The following KIF3A variants were observed in gnomAD, a reference collection of about 807,000 sequenced individuals.
KIF3A encodes kinesin family member 3A.
A neutral mutation model predicts 92.6 loss-of-function variants in KIF3A; 27 were observed. That is an observed-to-expected ratio of 0.29 (90% CI 0.21 to 0.40). The LOEUF (loss-of-function observed/expected upper bound fraction) is 0.40. Among genes scored for constraint, KIF3A ranks in the 10% least tolerant of loss-of-function variants. The probability of loss-of-function intolerance (pLI) is 1.00; values close to 1 mark genes in which losing one functional copy is unlikely to be tolerated. For synonymous variants in KIF3A, 250 were observed against 275.4 expected (o/e 0.91, Z 0.92); for missense variants, 581 against 872.6 (o/e 0.67, Z 4.21).
In KIF3A at chr5:132,696,584, C is replaced by T; in HGVS notation, c.*50G>A. ...CACTGTTTTAATTAAAGATTTTGTC[C>T]AGGCATGAGAATATCACTAATTTTT... On this transcript the variant is annotated 3_prime_UTR_variant, in exon 19 of 19. Transcript: ENST00000403231. 9.0e-7 allele frequency: 1 copy of T among 1,106,344 alleles called. No homozygotes were observed. The highest frequency in any genetic ancestry group is 1.4e-5 in the South Asian group (1 of 71,130). The allele number at this position is 1,106,344 out of a possible 1,614,324, so 68.5% of individuals were successfully genotyped here.
intron 11 of KIF3A, 82 bp downstream of exon 11, chr5:132,706,369 A>T: frequency 1.0e-6 from 1 of 1,002,828 alleles, no homozygotes. Flanking sequence ...ACTAAATTTT[A>T]AAAATTTAAT....
chr5:132,717,050 C>T (rs973259592), intron 5 of KIF3A, 66 bp from the exon 6 acceptor site: 13 of 1,490,630 alleles, frequency 8.7e-6, no homozygotes, highest in Non-Finnish European at 1.1e-5. Flanking sequence ...AATTAAACAT[C>T]CTGAACAGTT....
At chr5:132,725,047 T>C (rs1753991622) in intron 4 of KIF3A, among the ~76,000 whole-genome samples, 1 of 150,944 alleles carries the variant, frequency 6.6e-6, no homozygotes, top group Admixed American at 6.6e-5. Context: ...TTGAGAACCA[T>C]TGACAAGAAT....
chr5:132,736,575 T>C (rs895109061), intron 1 of KIF3A, among the ~76,000 whole-genome samples: 2 of 152,230 alleles, frequency 1.3e-5, no homozygotes, highest in East Asian at 3.8e-4. Flanking sequence ...TGGTGCCCAA[T>C]ATTTACTGAA....
chr5:132,727,041 A>G (rs1754056950), intron 2 of KIF3A, among the ~76,000 whole-genome samples: 1 of 152,260 alleles, frequency 6.6e-6, no homozygotes, highest in Admixed American at 6.5e-5. Context: ...CACCTCATAG[A>G]AAGTATCAGT....
chr5:132,702,434 A>C lies in KIF3A; in HGVS notation c.1758+124T>G, dbSNP rs1753071538. On this transcript the variant is annotated intron_variant, in intron 14 of 18. Coordinates refer to ENST00000403231, the MANE Select transcript of KIF3A (RefSeq NM_001300791.2). ...TAGATAAAATTAAAAATTGCACATA[A>C]AGAAATATTTTATTTCTTTTAAATT... The C allele has an allele frequency of 1.5e-5, 10 of 683,386 alleles. No individual in the cohort carries two copies. The South Asian group carries it at 2.5e-4, about 17-fold the overall frequency. The allele number at this position is 683,386 out of a possible 1,614,324, so 42.3% of individuals were successfully genotyped here. A position where few individuals can be genotyped will look rare whatever the true frequency, so the allele number is the denominator to read the frequency against.
intron 11 of KIF3A, among the ~76,000 whole-genome samples, chr5:132,704,377 G>A (rs12186803): frequency 0.27 from 40,253 of 151,552 alleles, 6,979 homozygotes; most frequent in East Asian, 0.75. Flanking sequence ...CCCTAAGTCA[G>A]AGTAAACATG....
intron 9 of KIF3A, among the ~76,000 whole-genome samples, 156 bp downstream of exon 9, chr5:132,710,803 G>GA (rs1190889699): frequency 2.0e-5 from 3 of 152,264 alleles, no homozygotes; most frequent in Admixed American, 1.3e-4. Flanking sequence ...CAATACAGGA[G>GA]AAAAAATGCA....
intron 4 of KIF3A, chr5:132,721,351 T>G (rs900748596): frequency 1.3e-5 from 2 of 152,208 alleles, no homozygotes; most frequent in African/African-American, 4.8e-5. Context: ...AAAAATGTAT[T>G]TAGGATGGAT....
chr5:132,720,255 AGT>A (rs1753781695), intron 5 of KIF3A, among the ~76,000 whole-genome samples: 1 of 152,248 alleles, frequency 6.6e-6, no homozygotes, highest in South Asian at 2.1e-4. Flanking sequence ...ATGTCTTCAT[AGT>A]CTCCTGTGAG....
rs1382714521 is a variant in KIF3A at position 132,693,145 on chromosome 5, T to A, written c.*3489A>T. On this transcript the variant is annotated 3_prime_UTR_variant, in exon 19 of 19. Coordinates refer to ENST00000403231, the MANE Select transcript of KIF3A (RefSeq NM_001300791.2). Reference sequence around the variant, plus strand: ...GAAGTAGCACCACCCCCTCCCCCAATAAAACCTTAAATTTTTGCTGTAAAA... The same window carrying A: ...GAAGTAGCACCACCCCCTCCCCCAAAAAAACCTTAAATTTTTGCTGTAAAA... The A allele has an allele frequency of 1.4e-5, 2 of 145,340 alleles. No individual in the cohort carries two copies. Among genetic ancestry groups the A allele is most frequent in the Non-Finnish European group, 1.5e-5 (1 of 66,842 alleles). The allele number at this position is 145,340 out of a possible 1,614,324, so 9.0% of individuals were successfully genotyped here. A position where few individuals can be genotyped will look rare whatever the true frequency, so the allele number is the denominator to read the frequency against.
chr5:132,712,304 T>C (rs537340807), intron 8 of KIF3A, among the ~76,000 whole-genome samples: 1 of 152,148 alleles, frequency 6.6e-6, no homozygotes, highest in East Asian at 1.9e-4. Context: ...AATCAAATGC[T>C]CAAAAAAACT....
At chr5:132,689,370 T>C (rs1752610952), downstream of KIF3A, among the ~76,000 whole-genome samples, 1 of 152,120 alleles carries the variant, frequency 6.6e-6, no homozygotes, top group African/African-American at 2.4e-5. Flanking sequence ...AAGTGATTTA[T>C]TGGAAAAGAT....
chr5:132,707,634 A>C (rs1753265268), intron 10 of KIF3A, among the ~76,000 whole-genome samples: 1 of 152,196 alleles, frequency 6.6e-6, no homozygotes, highest in African/African-American at 2.4e-5. Context: ...CTTTGAAATG[A>C]ATTGTTTTGG....
chr5:132,708,762 G>A, intron 10 of KIF3A, 145 bp downstream of exon 10: 3 of 526,786 alleles, frequency 5.7e-6, no homozygotes, highest in Non-Finnish European at 1.0e-5. Flanking sequence ...GGGGGTGGAG[G>A]AATCATCACA....
chr5:132,701,244 TC>T (rs1753027167), intron 15 of KIF3A, among the ~76,000 whole-genome samples: 1 of 152,072 alleles, frequency 6.6e-6, no homozygotes, highest in Non-Finnish European at 1.5e-5. Context: ...ACACCTGTAA[TC>T]CCATCATTTT....
chr5:132,702,918 T>G lies in KIF3A; in HGVS notation c.1614A>C (p.Ala538=). The G allele has an allele frequency of 6.2e-7, 1 of 1,613,746 alleles. No individual in the cohort carries two copies. The highest frequency in any genetic ancestry group is 8.5e-7 in the Non-Finnish European group (1 of 1,179,834). Residue 538 remains alanine, a synonymous_variant, in exon 13 of 19, where the codon GCA becomes GCC. Transcript: ENST00000403231. ...CCTCAAGTTCTCTGCGAAGTTGCTC[T>G]GCTCTTTTCCTCCTTTCTTCCAGTT... ...NMELEERRKR[A]EQLRRELEEK...
intron 6 of KIF3A, 142 bp downstream of exon 6, chr5:132,716,703 T>C: frequency 2.1e-6 from 2 of 958,628 alleles, no homozygotes; most frequent in Non-Finnish European, 3.1e-6. Context: ...TTTGAAATGT[T>C]CCATAATAAA....
intron 5 of KIF3A, among the ~76,000 whole-genome samples, chr5:132,719,282 T>G (rs550313774): frequency 6.6e-6 from 1 of 152,326 alleles, no homozygotes; most frequent in African/African-American, 2.4e-5. Context: ...TTTCACATAC[T>G]TATTGCTGTG....
Sources: allele counts gnomAD v4.1 joint callset (sites outside exome capture counted in the v4.1 genomes callset), GRCh38; gene constraint gnomAD v4.1.1; transcripts MANE v1.5; gene names NCBI Gene and HGNC (gene_info 2026-07-23, HGNC 2026-07-21).